Variants in TMC2 observed in about 807,000 individuals in gnomAD.
The protein encoded by TMC2 is transmembrane channel-like protein 2.
A neutral mutation model predicts 105.9 loss-of-function variants in TMC2; 102 were observed. That is an observed-to-expected ratio of 0.96 (90% CI 0.82 to 1.14). The LOEUF (loss-of-function observed/expected upper bound fraction) is 1.14. Ranked by LOEUF, TMC2 falls within the 50% of genes most tolerant of loss-of-function variation. The pLI is 0.00. For missense variants in TMC2, 1,093 were observed against 1,134.3 expected (o/e 0.96, Z 0.52); for synonymous variants, 402 against 422.8 (o/e 0.95, Z 0.60).
intron 2 of TMC2, among the ~76,000 whole-genome samples, chr20:2,547,036 C>T (rs1417818962): frequency 2.0e-5 from 3 of 151,960 alleles, no homozygotes; most frequent in Non-Finnish European, 4.4e-5. Context: ...TGAAGTATAA[C>T]ATATAATTAT....
At chr20:2,562,165 G>A (rs1054179062) in intron 4 of TMC2, among the ~76,000 whole-genome samples, 155 bp downstream of exon 4, 2 of 152,242 alleles carry the variant, frequency 1.3e-5, no homozygotes, top group African/African-American at 2.4e-5. Context: ...GAGCCAAGGC[G>A]GCCGTGCTGT....
Position 2,572,245 on chromosome 20 carries a change from T to G in TMC2, c.621T>G (p.Tyr207Ter). ...GAAAGGGGAAAGGCAAGCAACTATA[T>G]GCCTACAAGATGCTGATGGCCAAGG... ...ALGKGKGKQL[Y>*]AYKMLMAKKW... Residue 207 changes from tyrosine to a stop codon, truncating the protein, a stop_gained, in exon 5 of 20, where the codon TAT becomes TAG. Transcript: ENST00000358864. LOFTEE classifies it high-confidence loss of function. The G allele has an allele frequency of 6.2e-7, 1 of 1,613,514 alleles. No homozygotes were observed. Among genetic ancestry groups the G allele is most frequent in the Non-Finnish European group, 8.5e-7 (1 of 1,179,666 alleles).
chr20:2,632,856 T>C (rs1044110900), intron 17 of TMC2, among the ~76,000 whole-genome samples: 2 of 152,248 alleles, frequency 1.3e-5, no homozygotes, highest in African/African-American at 4.8e-5. Flanking sequence ...CCCAAAGTGC[T>C]GGGATTACAG....
chr20:2,585,891 T>C (rs551775376), intron 7 of TMC2, among the ~76,000 whole-genome samples: 2 of 152,270 alleles, frequency 1.3e-5, no homozygotes, highest in South Asian at 4.1e-4. Context: ...ATCTCAGAAA[T>C]GACATTCCAT....
chr20:2,636,490 A>ACG (rs1251839357), intron 18 of TMC2, among the ~76,000 whole-genome samples: 17 of 151,182 alleles, frequency 1.1e-4, no homozygotes, highest in African/African-American at 3.9e-4. Flanking sequence ...ACACACACAC[A>ACG]CACGCACACA....
At chr20:2,582,949 G>C (rs1253810255) in intron 7 of TMC2, among the ~76,000 whole-genome samples, 1 of 152,206 alleles carries the variant, frequency 6.6e-6, no homozygotes, top group Non-Finnish European at 1.5e-5. Flanking sequence ...GGAACCCTCA[G>C]TTATGCTGCA....
chr20:2,619,016 G>A (rs189224846), intron 16 of TMC2, among the ~76,000 whole-genome samples: 1 of 152,130 alleles, frequency 6.6e-6, no homozygotes, highest in East Asian at 1.9e-4. Context: ...TCCTTAAATT[G>A]TGCACTCAGG....
rs144378892 is a variant in TMC2, at chr20:2,570,476, G to A, written c.555-1703G>A. Among the ~76,000 whole-genome samples the A allele has an allele frequency of 3.6e-4, 54 of 151,826 alleles. No homozygotes were observed. In the East Asian group the frequency reaches 9.9e-3, roughly 28 times the overall value. ...AGGAGGTGAAAGATCTCTACAAGGA[G>A]AACTACAATACAATGACTAAAGAAA... is the stretch of plus-strand genomic sequence containing the variant. On this transcript the variant is annotated intron_variant, in intron 4 of 19. Transcript: ENST00000358864.
chr20:2,610,510 T>C lies in TMC2; in HGVS notation c.1505T>C (p.Leu502Pro). ...ALENYHPRTG[L>P]KWQLGRIFAL... The stretch of plus-strand genomic sequence containing the variant: ...GAGAATTACCACCCACGCACTGGAC[T>C]GAAGTGGCAGCTGGGACGCATCTTT... Residue 502 changes from leucine to proline, a missense_variant, in exon 12 of 20, where the codon CTG becomes CCG. By Grantham distance (98) the Leu-to-Pro change is moderately conservative (BLOSUM62 -3). Transcript: ENST00000358864. The C allele has an allele frequency of 1.2e-6, 2 of 1,613,914 alleles. No homozygotes were observed. Among genetic ancestry groups the C allele is most frequent in the Non-Finnish European group, 1.7e-6 (2 of 1,179,904 alleles).
chr20:2,636,357 G>C (rs1022585), intron 18 of TMC2, among the ~76,000 whole-genome samples: 9 of 151,832 alleles, frequency 5.9e-5, no homozygotes, highest in Non-Finnish European at 8.8e-5. Context: ...TCAAAATCAC[G>C]TATTTCTTGT....
intron 2 of TMC2, among the ~76,000 whole-genome samples, chr20:2,542,609 C>T (rs2085896855): frequency 6.6e-6 from 1 of 151,924 alleles, no homozygotes; most frequent in Non-Finnish European, 1.5e-5. Context: ...AACATCAGTT[C>T]TTTGTGAAGC....
chr20:2,564,310 C>T (rs1293198059), intron 4 of TMC2, among the ~76,000 whole-genome samples: 1 of 152,030 alleles, frequency 6.6e-6, no homozygotes, highest in Non-Finnish European at 1.5e-5. Flanking sequence ...ACCACCGTGC[C>T]CAGCTAATTT....
intron 10 of TMC2, among the ~76,000 whole-genome samples, chr20:2,601,313 G>A (rs551426413): frequency 3.1e-4 from 47 of 152,230 alleles, no homozygotes; most frequent in Non-Finnish European, 5.4e-4. Context: ...TGGCATAGCT[G>A]AGTGGTTGTG....
chr20:2,572,355 C>T (rs1312261135), intron 5 of TMC2, 86 bp downstream of exon 5: 12 of 1,036,228 alleles, frequency 1.2e-5, no homozygotes, highest in Non-Finnish European at 1.6e-5. Context: ...TGCCCAGCTT[C>T]GCCATTTGTG....
At chr20:2,594,530 CT>C (rs769951426) in intron 8 of TMC2, among the ~76,000 whole-genome samples, 2 of 152,108 alleles carry the variant, frequency 1.3e-5, no homozygotes, top group South Asian at 4.1e-4. Flanking sequence ...GCCCAACCCC[CT>C]ATCCCTAATT....
chr20:2,561,202 G>A (rs1245827026), intron 3 of TMC2, among the ~76,000 whole-genome samples: 1 of 152,210 alleles, frequency 6.6e-6, no homozygotes, highest in African/African-American at 2.4e-5. Context: ...ACAAACTACT[G>A]TTGTCAATGC....
chr20:2,642,919 C>T lies in TMC2; in HGVS notation c.*1568C>T, dbSNP rs953454063. ...GGGGTTCTCAGGAGAATCCCCCAGACTCAGAAAGTCAGGCAAAGCCCTGGC... is the reference window on the plus strand; with the variant it reads ...GGGGTTCTCAGGAGAATCCCCCAGATTCAGAAAGTCAGGCAAAGCCCTGGC... On this transcript the variant is annotated 3_prime_UTR_variant, in exon 20 of 20. Transcript: ENST00000358864. 2.6e-5 allele frequency among the ~76,000 whole-genome samples: 4 copies of T among 152,116 alleles called. No homozygotes were observed. Among genetic ancestry groups the T allele is most frequent in the African/African-American group, 9.7e-5 (4 of 41,406 alleles).
chr20:2,580,709 A>G (rs938968050), intron 7 of TMC2, among the ~76,000 whole-genome samples: 1 of 152,110 alleles, frequency 6.6e-6, no homozygotes, highest in Non-Finnish European at 1.5e-5. Context: ...CAGCCTCCCA[A>G]AGTGTTGGGA....
chr20:2,608,268 G>C (rs910547657), intron 11 of TMC2, among the ~76,000 whole-genome samples: 23 of 148,700 alleles, frequency 1.5e-4, no homozygotes, highest in African/African-American at 5.6e-4. Context: ...GGCTTTCCCT[G>C]ACTTACCTTC....
Sources: allele counts gnomAD v4.1 joint callset (sites outside exome capture counted in the v4.1 genomes callset), GRCh38; gene constraint gnomAD v4.1.1; transcripts MANE v1.5; gene names NCBI Gene and HGNC (gene_info 2026-07-23, HGNC 2026-07-21).